Variants in DCAF6 observed in about 807,000 individuals in gnomAD.
The protein encoded by DCAF6 is DDB1- and CUL4-associated factor 6.
Under a neutral mutation model 125.1 loss-of-function variants are expected in DCAF6, and 54 were observed. That is an observed-to-expected ratio of 0.43 (90% CI 0.35 to 0.54). DCAF6 has a LOEUF of 0.54. DCAF6 is among the 20% of genes least tolerant of loss of function. The pLI, the probability that DCAF6 is intolerant of heterozygous loss-of-function variation, is 0.01. For synonymous variants in DCAF6, 371 were observed against 390.4 expected (o/e 0.95, Z 0.58); for missense variants, 934 against 1,161.7 (o/e 0.80, Z 2.85).
At chr1:167,940,857 A>G (rs1241176131) in intron 1 of DCAF6, among the ~76,000 whole-genome samples, 1 of 152,220 alleles carries the variant, frequency 6.6e-6, no homozygotes, top group Non-Finnish European at 1.5e-5. Context: ...TATAATGTAT[A>G]AAATGTGTAA....
intron 10 of DCAF6, among the ~76,000 whole-genome samples, chr1:168,007,908 A>T (rs1310602760): frequency 1.6e-5 from 2 of 127,652 alleles, no homozygotes; most frequent in Non-Finnish European, 3.3e-5. Context: ...CCAGACCCTT[A>T]TGCCTGATGT....
chr1:167,941,874 G>A (rs1048585483), intron 1 of DCAF6, among the ~76,000 whole-genome samples: 5 of 152,076 alleles, frequency 3.3e-5, no homozygotes, highest in South Asian at 2.1e-4. Flanking sequence ...GACTTGTATG[G>A]TAAGTATGTT....
At chr1:167,982,892 A>T (rs1167575486) in intron 4 of DCAF6, among the ~76,000 whole-genome samples, 1 of 152,138 alleles carries the variant, frequency 6.6e-6, no homozygotes, top group African/African-American at 2.4e-5. Context: ...TTGGCCAGTG[A>T]TCCCAGCACC....
In DCAF6 at chr1:167,987,582, A is replaced by G. The variant is rs1440535583; in HGVS notation, c.526A>G (p.Ser176Gly). 5.6e-6 allele frequency: 9 copies of G among 1,595,112 alleles called. No individual in the cohort carries two copies. Among genetic ancestry groups the G allele is most frequent in the Non-Finnish European group, 7.7e-6 (9 of 1,164,042 alleles). Residue 176 changes from serine to glycine, a missense_variant, in exon 5 of 22, where the codon AGC (serine) becomes GGC (glycine). Around this residue, in one of 5 missense-constraint regions of DCAF6, gnomAD observed 309 missense variants for 381.2 expected, o/e 0.81. Transcript: ENST00000367840. ...GTGGTTTGATACACGCATCAAAACTAGCTGCACAAAAGAAGATTGTAAAGA... is the reference window on the plus strand; with the variant it reads ...GTGGTTTGATACACGCATCAAAACTGGCTGCACAAAAGAAGATTGTAAAGA... The part of the protein sequence containing the change: ...VRWFDTRIKT[S>G]CTKEDCKDDI...
chr1:167,997,489 A>G (rs915739969), intron 7 of DCAF6, among the ~76,000 whole-genome samples: 17 of 151,518 alleles, frequency 1.1e-4, no homozygotes, highest in African/African-American at 4.2e-4. Context: ...ACTTACACAT[A>G]ATATGGAATT....
At chr1:167,944,769 A>C (rs1165509792) in intron 1 of DCAF6, among the ~76,000 whole-genome samples, 1 of 152,128 alleles carries the variant, frequency 6.6e-6, no homozygotes, top group Non-Finnish European at 1.5e-5. Context: ...TGTCTCTTCA[A>C]TCTGTTATTT....
the DCAF6 span, chr1:167,899,544 TCGTC>T: frequency 6.2e-7 from 1 of 1,614,242 alleles, no homozygotes; most frequent in South Asian, 1.1e-5. Context: ...AAGGCGCACA[TCGTC>T]CACTGCCTGA....
chr1:167,908,092 C>T, the DCAF6 span, among the ~76,000 whole-genome samples: 5 of 152,148 alleles, frequency 3.3e-5, no homozygotes, highest in African/African-American at 1.2e-4. Context: ...AATCAGTATC[C>T]CTGCACTCCC....
chr1:168,009,544 C>T (rs1683990577), intron 10 of DCAF6, among the ~76,000 whole-genome samples: 2 of 145,864 alleles, frequency 1.4e-5, no homozygotes, highest in African/African-American at 5.0e-5. Flanking sequence ...CTTTCCTTCT[C>T]CTCTTTCTCC....
the DCAF6 span, among the ~76,000 whole-genome samples, chr1:167,930,229 T>TA: frequency 1.3e-5 from 2 of 152,158 alleles, no homozygotes; most frequent in African/African-American, 4.8e-5. Context: ...TGACTGAAAA[T>TA]ACACTTTGGT....
the DCAF6 span, chr1:167,917,392 A>G: frequency 2.0e-5 from 3 of 152,332 alleles, no homozygotes; most frequent in African/African-American, 7.2e-5. Flanking sequence ...TGAGCCCAGG[A>G]GTTCGAGACC....
At chr1:167,902,562 C>T in the DCAF6 span, among the ~76,000 whole-genome samples, 1 of 152,194 alleles carries the variant, frequency 6.6e-6, no homozygotes, top group Non-Finnish European at 1.5e-5. Context: ...GCCATTCTCT[C>T]TTTTAGTTAC....
upstream of DCAF6, among the ~76,000 whole-genome samples, chr1:167,933,218 A>C (rs1295110876): frequency 2.0e-5 from 3 of 148,810 alleles, no homozygotes; most frequent in African/African-American, 7.5e-5. Flanking sequence ...GCCAGGCTGG[A>C]GTGCAATGGC....
At chr1:167,971,353 TTC>T (rs1189084763) in intron 3 of DCAF6, among the ~76,000 whole-genome samples, 3 of 152,350 alleles carry the variant, frequency 2.0e-5, no homozygotes, top group Admixed American at 6.5e-5. Context: ...AATTTCTTTT[TTC>T]TTTTTGCATC....
chr1:167,864,442 A>C, the DCAF6 span, among the ~76,000 whole-genome samples: 8 of 152,178 alleles, frequency 5.3e-5, no homozygotes, highest in African/African-American at 1.9e-4. Context: ...TTTCAAATGT[A>C]TGGCACAAGG....
At chr1:168,009,620 A>G (rs1684004552) in intron 10 of DCAF6, among the ~76,000 whole-genome samples, 1 of 143,766 alleles carries the variant, frequency 7.0e-6, no homozygotes, top group South Asian at 2.2e-4. Context: ...TCCTTCTTAC[A>G]CTTTGTTCTT....
At chr1:168,047,714 GTA>G (rs1180017627) in intron 16 of DCAF6, among the ~76,000 whole-genome samples, 2 of 151,436 alleles carry the variant, frequency 1.3e-5, no homozygotes, top group Non-Finnish European at 3.0e-5. Context: ...GTGTGTGTGT[GTA>G]TATATATATA....
intron 2 of DCAF6, among the ~76,000 whole-genome samples, chr1:167,961,631 T>C (rs1303438823): frequency 6.6e-6 from 1 of 152,240 alleles, no homozygotes; most frequent in Non-Finnish European, 1.5e-5. Context: ...TTCATACTTT[T>C]CCTTTGCTTT....
the DCAF6 span, chr1:167,880,038 T>C: frequency 7.9e-7 from 1 of 1,268,986 alleles, no homozygotes; most frequent in South Asian, 1.3e-5. Context: ...CTCATTTTTG[T>C]GCTTCCTCCC....
Sources: allele counts gnomAD v4.1 joint callset (sites outside exome capture counted in the v4.1 genomes callset), GRCh38; gene constraint gnomAD v4.1.1; regional missense constraint gnomAD v4.1.1; transcripts MANE v1.5; gene names NCBI Gene and HGNC (gene_info 2026-07-23, HGNC 2026-07-21).